APPBP2: variants seen among roughly 807,000 people sequenced by gnomAD.
APPBP2 encodes amyloid protein-binding protein 2.
APPBP2 carries 15 observed loss-of-function variants against 76.0 expected under a neutral mutation model. The observed-to-expected ratio is 0.20, with a 90% CI of 0.13 to 0.30. APPBP2 has a LOEUF of 0.30. Ranked by LOEUF, APPBP2 falls within the 10% of genes least tolerant of loss-of-function variation. The pLI is 1.00. For synonymous variants in APPBP2, 222 were observed against 242.2 expected, an observed-to-expected ratio of 0.92 and a Z score of 0.77; for missense variants, 401 against 687.2, an observed-to-expected ratio of 0.58 and a Z score of 4.66.
At chr17:60,460,214 T>C (rs2090466631) in intron 9 of APPBP2, 1 of 152,804 alleles carries the variant, frequency 6.5e-6, no homozygotes, top group African/African-American at 2.4e-5. Flanking sequence ...TTATTTATTT[T>C]TGGAAACAGG....
chr17:60,507,295 C>A (rs913946877), intron 1 of APPBP2, among the ~76,000 whole-genome samples: 1 of 151,570 alleles, frequency 6.6e-6, no homozygotes, highest in East Asian at 1.9e-4. Flanking sequence ...AATCTTGACT[C>A]ACTTCAACCT....
intron 1 of APPBP2, among the ~76,000 whole-genome samples, chr17:60,518,358 C>CGT (rs59428194): frequency 0.038 from 3,417 of 88,894 alleles, 136 homozygotes; most frequent in East Asian, 0.076. Context: ...TGTGTGCGTG[C>CGT]GTGTGTGTGT....
At chr17:60,453,088 A>T (rs1167685929) in intron 11 of APPBP2, among the ~76,000 whole-genome samples, 1 of 152,244 alleles carries the variant, frequency 6.6e-6, no homozygotes, top group Non-Finnish European at 1.5e-5. Flanking sequence ...ATATACTAAG[A>T]ATTATATATC....
chr17:60,494,037 G>T (rs2090752990), intron 3 of APPBP2, among the ~76,000 whole-genome samples: 1 of 152,174 alleles, frequency 6.6e-6, no homozygotes, highest in Admixed American at 6.6e-5. Flanking sequence ...CCTCATTTTA[G>T]AGATGGGAAA....
intron 3 of APPBP2, among the ~76,000 whole-genome samples, chr17:60,485,120 G>A (rs1317067360): frequency 2.0e-5 from 3 of 152,132 alleles, no homozygotes; most frequent in Non-Finnish European, 4.4e-5. Flanking sequence ...GTATTTTATT[G>A]AGGATTTTCG....
At position 60,479,217 on chromosome 17, in the gene APPBP2, G is replaced by C; in HGVS notation, c.434C>G (p.Ser145Cys). 1 of 1,613,694 alleles carries C rather than the reference G, an allele frequency of 6.2e-7. No individual in the cohort carries two copies. Among genetic ancestry groups the C allele is most frequent in the Non-Finnish European group, 8.5e-7 (1 of 1,179,834 alleles). Residue 145 changes from serine to cysteine, a missense_variant, in exon 4 of 13, where the codon TCC (serine) becomes TGC (cysteine). Physicochemically the swap from Ser to Cys is moderately radical, Grantham distance 112. This residue lies in a region of APPBP2 where 149 missense variants were observed against 198.4 expected (regional missense o/e 0.75). Coordinates refer to ENST00000083182, the MANE Select transcript of APPBP2 (RefSeq NM_006380.5). Reference protein sequence around the residue: ...WYSDAEKVFLSCLQLCTLHDE... With the variant: ...WYSDAEKVFLCCLQLCTLHDE... ...GTGTAGAGTACACAACTGAAGGCAG[G>C]ACAGAAAAACTTTCTCAGCATCACT...
intron 4 of APPBP2, among the ~76,000 whole-genome samples, chr17:60,478,513 C>T (rs1347365769): frequency 6.6e-6 from 1 of 152,224 alleles, no homozygotes; most frequent in East Asian, 1.9e-4. Context: ...AAGTACATTT[C>T]TGGAGTTTCC....
intron 3 of APPBP2, among the ~76,000 whole-genome samples, chr17:60,487,742 C>A (rs964455093): frequency 1.3e-5 from 2 of 152,168 alleles, no homozygotes; most frequent in African/African-American, 4.8e-5. Flanking sequence ...CCATTGCTGG[C>A]GAGGAGCTGC....
intron 3 of APPBP2, among the ~76,000 whole-genome samples, chr17:60,483,289 T>C (rs1002465506): frequency 1.3e-5 from 2 of 152,222 alleles, no homozygotes; most frequent in Non-Finnish European, 2.9e-5. Context: ...GATTTTTTCT[T>C]GTAAATTCGC....
At chr17:60,475,690 C>T (rs1157640640) in intron 4 of APPBP2, among the ~76,000 whole-genome samples, 1 of 150,674 alleles carries the variant, frequency 6.6e-6, no homozygotes, top group African/African-American at 2.4e-5. Context: ...CACACACACA[C>T]GCTCCCCAAC....
At chr17:60,501,154 A>C (rs920708316) in intron 1 of APPBP2, among the ~76,000 whole-genome samples, 1 of 152,070 alleles carries the variant, frequency 6.6e-6, no homozygotes, top group Non-Finnish European at 1.5e-5. Flanking sequence ...TTTATAAAAT[A>C]TAAATAAATT....
At chr17:60,479,597 T>C (rs898003831) in intron 3 of APPBP2, among the ~76,000 whole-genome samples, 2 of 152,194 alleles carry the variant, frequency 1.3e-5, no homozygotes, top group African/African-American at 2.4e-5. Context: ...CATATAACTT[T>C]AGCATCTCCC....
chr17:60,512,764 G>A (rs761839054), intron 1 of APPBP2, among the ~76,000 whole-genome samples: 13 of 104,256 alleles, frequency 1.2e-4, no homozygotes, highest in Non-Finnish European at 1.8e-4. Flanking sequence ...GAACTCAGGA[G>A]GCGGAGGTTG....
At chr17:60,485,569 T>C (rs2143401355) in intron 3 of APPBP2, among the ~76,000 whole-genome samples, 1 of 152,354 alleles carries the variant, frequency 6.6e-6, no homozygotes. Flanking sequence ...CATTTTTTAT[T>C]GCATCTATTT....
chr17:60,492,647 T>G (rs944361410), intron 3 of APPBP2, among the ~76,000 whole-genome samples: 2 of 152,232 alleles, frequency 1.3e-5, no homozygotes, highest in African/African-American at 4.8e-5. Flanking sequence ...TTTAGCTCCT[T>G]CATTTTGGCC....
chr17:60,518,248 T>C (rs1395502980), intron 1 of APPBP2, among the ~76,000 whole-genome samples: 2 of 152,064 alleles, frequency 1.3e-5, no homozygotes, highest in African/African-American at 2.4e-5. Flanking sequence ...CATTTTGCCA[T>C]GTTACCCAGG....
At chr17:60,482,039 C>T (rs973246834) in intron 3 of APPBP2, among the ~76,000 whole-genome samples, 6 of 152,250 alleles carry the variant, frequency 3.9e-5, no homozygotes, top group South Asian at 2.1e-4. Flanking sequence ...TGTGCCACCA[C>T]GCCCGGCTAA....
At chr17:60,505,540 C>T (rs1246640050) in intron 1 of APPBP2, among the ~76,000 whole-genome samples, 1 of 151,930 alleles carries the variant, frequency 6.6e-6, no homozygotes, top group Admixed American at 6.6e-5. Context: ...TAGTTTCGAT[C>T]TCCTGACCTT....
intron 1 of APPBP2, among the ~76,000 whole-genome samples, chr17:60,506,340 C>T (rs1479302059): frequency 6.6e-6 from 1 of 152,152 alleles, no homozygotes; most frequent in Non-Finnish European, 1.5e-5. Context: ...TATTGTTTCT[C>T]CCTGTCTCCT....
Sources: gnomAD v4.1 joint callset for allele counts (sites outside exome capture counted in the v4.1 genomes callset) on GRCh38, gnomAD v4.1.1 for gene constraint, gnomAD v4.1.1 regional missense constraint, MANE v1.5 for transcripts, NCBI Gene and HGNC (gene_info 2026-07-23, HGNC 2026-07-21) for gene names.